TTLL10: variants seen among roughly 807,000 people sequenced by gnomAD.
TTLL10 encodes inactive polyglycylase TTLL10.
Under a neutral mutation model 69.0 loss-of-function variants are expected in TTLL10, and 61 were observed. The observed-to-expected ratio is 0.88, with a 90% CI of 0.72 to 1.09. TTLL10 has a LOEUF of 1.09. TTLL10 is among the 50% of genes least tolerant of loss of function. The pLI is 0.00. For missense variants in TTLL10, 962 were observed against 945.9 expected, an observed-to-expected ratio of 1.02 and a Z score of -0.22; for synonymous variants, 408 against 393.3, an observed-to-expected ratio of 1.04 and a Z score of -0.44.
chr1:1,197,460 G>C lies in TTLL10; in HGVS notation c.1635G>C (p.Arg545=), dbSNP rs1648310850. Residue 545 remains arginine, a synonymous_variant, in exon 16 of 16, where the codon CGG becomes CGC. Transcript: ENST00000379289. The stretch of plus-strand genomic sequence containing the variant: ...CAGACCTGGTGCTCGAGACCTTCCG[G>C]AAGAGCCTGCGCGGCCAGAAGATGT... ...ETLDLVLETF[R]KSLRGQKMLP... 2 of 1,542,844 alleles carry C rather than the reference G, an allele frequency of 1.3e-6. No homozygotes were observed. The highest frequency in any genetic ancestry group is 1.7e-6 in the Non-Finnish European group (2 of 1,144,204).
At chr1:1,192,793 TTGGTATGAGTGTAGACACTCC>T (rs1647918315) in intron 13 of TTLL10, among the ~76,000 whole-genome samples, 3 of 119,884 alleles carry the variant, frequency 2.5e-5, no homozygotes, top group Non-Finnish European at 5.5e-5. Context: ...GACACTCCAG[TTGGTATGAGTGTAGACACTCC>T]AGTTGGTATG....
chr1:1,185,345 C>G lies in TTLL10; in HGVS notation c.1401+236C>G. On this transcript the variant is annotated intron_variant, in intron 13 of 15. Coordinates refer to ENST00000379289, the MANE Select transcript of TTLL10 (RefSeq NM_001130045.2). This position sits in a 1 kb window ranked among gnomAD's most constrained non-coding sequence, Gnocchi z 6.1. ...AAGCCCAGTCGGGGGTCTGTCGGCA[C>G]GAGTCCCGCGGGCAGCCTCGCCGTA... 4 of 1,366,140 alleles carry G rather than the reference C, an allele frequency of 2.9e-6. No individual in the cohort carries two copies. Among genetic ancestry groups the G allele is most frequent in the Non-Finnish European group, 3.8e-6 (4 of 1,063,668 alleles). 84.6% of individuals were successfully genotyped at this position (1,366,140 alleles called of 1,614,324 possible).
At chr1:1,190,655 CTCTTTT>C (rs962692496) in intron 13 of TTLL10, among the ~76,000 whole-genome samples, 1 of 151,908 alleles carries the variant, frequency 6.6e-6, no homozygotes, top group African/African-American at 2.4e-5. Flanking sequence ...GTCTCAAACT[CTCTTTT>C]TCTAATTTCT....
intron 12 of TTLL10, among the ~76,000 whole-genome samples, chr1:1,184,566 GT>G (rs1309977914): frequency 1.3e-5 from 2 of 152,206 alleles, no homozygotes; most frequent in African/African-American, 4.8e-5. Flanking sequence ...GCGGATGAAG[GT>G]TTTTGTGGGA....
In TTLL10 at chr1:1,184,005, A is replaced by T. The variant is rs1557482625; in HGVS notation, c.1174A>T (p.Ile392Phe). ...CATTGCCTGCACCACACCCTACATGATCTTCTTTGGCCACGGCTATGCTCG... is the reference window on the plus strand; with the variant it reads ...CATTGCCTGCACCACACCCTACATGTTCTTCTTTGGCCACGGCTATGCTCG... ...LLIACTTPYMIFFGHGYARLT... is the reference protein window; with the variant it reads ...LLIACTTPYMFFFGHGYARLT... The change falls in exon 12 of 16, where the codon ATC becomes TTC. Residue 392 changes from isoleucine to phenylalanine, a missense_variant. Coordinates refer to ENST00000379289, the MANE Select transcript of TTLL10 (RefSeq NM_001130045.2). 3 of 1,614,052 alleles carry T rather than the reference A, an allele frequency of 1.9e-6. No individual in the cohort carries two copies. Among genetic ancestry groups the T allele is most frequent in the South Asian group, 1.1e-5 (1 of 91,080 alleles).
In TTLL10 at chr1:1,179,199, C is replaced by G; in HGVS notation, c.-17C>G. The G allele has an allele frequency of 1.0e-5, 16 of 1,526,884 alleles. No homozygotes were observed. Among genetic ancestry groups the G allele is most frequent in the Non-Finnish European group, 1.3e-5 (15 of 1,134,760 alleles). 94.6% of individuals were successfully genotyped at this position (1,526,884 alleles called of 1,614,324 possible). A position where few individuals can be genotyped will look rare whatever the true frequency, so the allele number is the denominator to read the frequency against. On this transcript the variant is annotated 5_prime_UTR_variant, in exon 4 of 16. Transcript: ENST00000379289. ...GCATCTTCCCTTCAGGGCCCTCGCC[C>G]GGGCACCCCCCGGCCAATGGACCAC...
In TTLL10 at chr1:1,184,050, G is replaced by A. The variant is rs148812680; in HGVS notation, c.1219G>A (p.Asp407Asn). The A allele has an allele frequency of 1.9e-5, 30 of 1,614,176 alleles. No homozygotes were observed. In the Admixed American group the frequency reaches 3.0e-4, roughly 16 times the overall value. The stretch of plus-strand genomic sequence containing the variant: ...TGCTCGCCTCACCCTTAGCCTTTAC[G>A]ACCCCCATTCCAGCGACCTCGGCGG... ...GYARLTLSLY[D>N]PHSSDLGGHL... The change falls in exon 12 of 16, where the codon GAC (aspartate) becomes AAC (asparagine). Residue 407 changes from aspartate (D) to asparagine (N), a missense_variant. Coordinates refer to ENST00000379289, the MANE Select transcript of TTLL10 (RefSeq NM_001130045.2).
At chr1:1,194,510 C>T (rs549191693) in intron 13 of TTLL10, among the ~76,000 whole-genome samples, 12 of 152,320 alleles carry the variant, frequency 7.9e-5, no homozygotes, top group South Asian at 2.1e-4. Context: ...GCCTGAAGGA[C>T]GGTAGGGCGG....
rs1477394443 is a variant in TTLL10 at position 1,183,998 on chromosome 1, C to G, written c.1167C>G (p.Pro389=). The G allele has an allele frequency of 4.3e-6, 7 of 1,614,104 alleles. No homozygotes were observed. The Admixed American group carries it at 8.3e-5, about 19-fold the overall frequency. Residue 389 remains proline (P), a synonymous_variant, in exon 12 of 16, where the codon CCC becomes CCG. Transcript: ENST00000379289. ...ACCTGCTCATTGCCTGCACCACACC[C>G]TACATGATCTTCTTTGGCCACGGCT... ...RSYLLIACTT[P]YMIFFGHGYA...
Position 1,194,632 on chromosome 1 carries a change from C to T in TTLL10, c.1402-1968C>T, listed in dbSNP as rs369023682. ...TATTTTTACTTTTGGGAATTTGTGC[C>T]ATCCCACTGCCTGCCCACCTCACGA... is the stretch of plus-strand genomic sequence containing the variant. On this transcript the variant is annotated intron_variant, in intron 13 of 15. Coordinates refer to ENST00000379289, the MANE Select transcript of TTLL10 (RefSeq NM_001130045.2). Among the ~76,000 whole-genome samples, 99 of 152,292 alleles carry T rather than the reference C, an allele frequency of 6.5e-4. 1 individual carries two copies. Among genetic ancestry groups the T allele is most frequent in the African/African-American group, 2.4e-3 (98 of 41,558 alleles).
Position 1,187,172 on chromosome 1 carries a change from T to G in TTLL10, c.1401+2063T>G, listed in dbSNP as rs1219226696. Among the ~76,000 whole-genome samples the G allele has an allele frequency of 4.0e-5, 6 of 151,780 alleles. No homozygotes were observed. In the East Asian group the frequency reaches 1.2e-3, roughly 30 times the overall value. Reference sequence around the variant, plus strand: ...AAAGTTCTTTACATATTCTAAACACTAGGCCTTTATCAGACATATGATTTG... The same window carrying G: ...AAAGTTCTTTACATATTCTAAACACGAGGCCTTTATCAGACATATGATTTG... On this transcript the variant is annotated intron_variant, in intron 13 of 15. Transcript: ENST00000379289.
Position 1,181,904 on chromosome 1 carries a change from G to T in TTLL10, c.830+89G>T. The T allele has an allele frequency of 1.5e-6, 2 of 1,295,368 alleles. No homozygotes were observed. The highest frequency in any genetic ancestry group is 2.2e-6 in the Non-Finnish European group (2 of 925,906). The allele number at this position is 1,295,368 out of a possible 1,614,324, so 80.2% of individuals were successfully genotyped here. A position where few individuals can be genotyped will look rare whatever the true frequency, so the allele number is the denominator to read the frequency against. On this transcript the variant is annotated intron_variant, in intron 9 of 15. Transcript: ENST00000379289. This position sits in a 1 kb window ranked among gnomAD's most constrained non-coding sequence, Gnocchi z 4.6. ...CTGAAAAGGAGAAAGCGGGGCGGGGGTCCCACACAAAGGAAAACCACGAGC... is the reference window on the plus strand; with the variant it reads ...CTGAAAAGGAGAAAGCGGGGCGGGGTTCCCACACAAAGGAAAACCACGAGC...
intron 4 of TTLL10, 70 bp downstream of exon 4, chr1:1,179,403 T>C (rs894844270): frequency 7.0e-6 from 10 of 1,430,692 alleles, no homozygotes; most frequent in Non-Finnish European, 9.6e-6. Context: ...GGGTGCCCCA[T>C]ACCCAAGGAA....
intron 13 of TTLL10, among the ~76,000 whole-genome samples, chr1:1,189,929 G>A (rs1378320703): frequency 2.0e-5 from 3 of 151,916 alleles, no homozygotes; most frequent in East Asian, 3.9e-4. Context: ...CGGGTAACAC[G>A]GTGAAACCCC....
rs1172942761 is a variant in TTLL10, at chr1:1,180,186, A to ACAC, written c.352_353insCAC (p.Asn118delinsThrHis). On this transcript the variant is annotated protein_altering_variant, in exon 6 of 16. Coordinates refer to ENST00000379289, the MANE Select transcript of TTLL10 (RefSeq NM_001130045.2). Reference sequence around the variant, plus strand: ...CACACCCGGACCCCCTGGGCTCCTGAACAGCCACCGGCCTGCAGACTCGGA... The same window carrying ACAC: ...CACACCCGGACCCCCTGGGCTCCTGACACACAGCCACCGGCCTGCAGACTCGGA... 6 of 1,611,182 alleles carry ACAC rather than the reference A, an allele frequency of 3.7e-6. No individual in the cohort carries two copies. The highest frequency in any genetic ancestry group is 4.2e-6 in the Non-Finnish European group (5 of 1,179,394).
At chr1:1,193,696 C>T (rs1648002449) in intron 13 of TTLL10, among the ~76,000 whole-genome samples, 1 of 152,118 alleles carries the variant, frequency 6.6e-6, no homozygotes, top group South Asian at 2.1e-4. Flanking sequence ...AACTGCTGAC[C>T]TCAGGTGATC....
chr1:1,197,207 C>A, intron 15 of TTLL10, 21 bp downstream of exon 15: 1 of 1,541,894 alleles, frequency 6.5e-7, no homozygotes, highest in Non-Finnish European at 8.8e-7. Flanking sequence ...AAGCCCCCAC[C>A]CCACACCCCC....
At position 1,180,017 on chromosome 1, in the gene TTLL10, C is replaced by A; in HGVS notation, c.200-17C>A. 4 of 1,513,130 alleles carry A rather than the reference C, an allele frequency of 2.6e-6. No individual in the cohort carries two copies. Among genetic ancestry groups the A allele is most frequent in the Non-Finnish European group, 3.5e-6 (4 of 1,133,564 alleles). 93.7% of individuals were successfully genotyped at this position (1,513,130 alleles called of 1,614,324 possible). ...AGCTCCCGTAGCCACCCCGGTGGGA[C>A]CCCACCCCGTTCACAGGCCCGGCCC... On this transcript the variant is annotated splice_polypyrimidine_tract_variant and intron_variant, in intron 5 of 15. Transcript: ENST00000379289.
At chr1:1,193,398 C>CTTA (rs78174849) in intron 13 of TTLL10, among the ~76,000 whole-genome samples, 78,304 of 151,756 alleles carry the variant, frequency 0.52, 24,662 homozygotes, top group East Asian at 0.91. Flanking sequence ...TTTTCTATGT[C>CTTA]TGTCTTTTTT....
Sources: allele counts gnomAD v4.1 joint callset (sites outside exome capture counted in the v4.1 genomes callset), GRCh38; gene constraint gnomAD v4.1.1; non-coding constraint Gnocchi (gnomAD v3.1); transcripts MANE v1.5; gene names NCBI Gene and HGNC (gene_info 2026-07-23, HGNC 2026-07-21).